GRIA1: variants seen among roughly 807,000 people sequenced by gnomAD.
GRIA1 encodes the protein glutamate ionotropic receptor AMPA type subunit 1.
GRIA1 carries 31 observed loss-of-function variants against 99.2 expected under a neutral mutation model. The observed-to-expected ratio is 0.31, with a 90% CI of 0.23 to 0.42. The LOEUF is 0.42. Ranked by LOEUF, GRIA1 falls within the 10% of genes least tolerant of loss-of-function variation. The pLI is 1.00. For missense variants in GRIA1, 782 were observed against 1,157.5 expected, an observed-to-expected ratio of 0.68 and a Z score of 4.71; for synonymous variants, 438 against 432.4, an observed-to-expected ratio of 1.01 and a Z score of -0.16.
At chr5:153,556,268 A>C (rs1248990800) in intron 2 of GRIA1, among the ~76,000 whole-genome samples, 1 of 141,960 alleles carries the variant, frequency 7.0e-6, no homozygotes, top group Admixed American at 7.0e-5. Context: ...TAGGAATTCA[A>C]CTATTCTCTC....
intron 5 of GRIA1, among the ~76,000 whole-genome samples, chr5:153,658,674 AT>A (rs1246659280): frequency 4.6e-5 from 7 of 152,360 alleles, no homozygotes; most frequent in African/African-American, 1.7e-4. Context: ...CTACTGCTGC[AT>A]AGAACTGACC....
chr5:153,674,770 A>T, intron 6 of GRIA1, 109 bp downstream of exon 6: 1 of 1,092,658 alleles, frequency 9.2e-7, no homozygotes. Flanking sequence ...TAAAGCGAAC[A>T]AATTCAGGGA....
chr5:153,612,206 A>G (rs1766052145), intron 2 of GRIA1, among the ~76,000 whole-genome samples: 1 of 152,210 alleles, frequency 6.6e-6, no homozygotes, highest in Non-Finnish European at 1.5e-5. Flanking sequence ...AGGAGAAAAT[A>G]TTTGAATAGA....
Position 153,535,056 on chromosome 5 carries a change from G to A in GRIA1, c.220+40991G>A, listed in dbSNP as rs532175036. ...CCTGCCACAGCCTCCTGAGTAGCTC[G>A]GATTACAGGCATGCATCACCATGCC... On this transcript the variant is annotated intron_variant, in intron 2 of 15. Coordinates refer to ENST00000285900, the MANE Select transcript of GRIA1 (RefSeq NM_000827.4). 9.2e-5 allele frequency among the ~76,000 whole-genome samples: 14 copies of A among 152,144 alleles called. No homozygotes were observed. In the South Asian group the frequency reaches 1.9e-3, roughly 20 times the overall value.
chr5:153,705,131 C>G (rs571752680), intron 10 of GRIA1, among the ~76,000 whole-genome samples: 1 of 152,238 alleles, frequency 6.6e-6, no homozygotes, highest in African/African-American at 2.4e-5. Context: ...TGAGGGAATC[C>G]AGGGTAAGCC....
intron 12 of GRIA1, among the ~76,000 whole-genome samples, chr5:153,765,089 C>A (rs1413776328): frequency 2.0e-5 from 3 of 151,570 alleles, no homozygotes; most frequent in African/African-American, 7.3e-5. Context: ...AAAAAAAAAA[C>A]TGGAAAAGGT....
intron 11 of GRIA1, among the ~76,000 whole-genome samples, chr5:153,748,848 T>A (rs2149586606): frequency 6.6e-6 from 1 of 152,260 alleles, no homozygotes; most frequent in East Asian, 1.9e-4. Context: ...ATTGAGAATT[T>A]TGAATTGGAT....
chr5:153,625,516 T>C (rs1383538245), intron 2 of GRIA1, among the ~76,000 whole-genome samples: 2 of 152,090 alleles, frequency 1.3e-5, no homozygotes, highest in Non-Finnish European at 2.9e-5. Context: ...ATATCAGAGC[T>C]CTCTCTGATA....
intron 2 of GRIA1, among the ~76,000 whole-genome samples, chr5:153,637,189 T>A (rs1371683265): frequency 6.6e-6 from 1 of 152,176 alleles, no homozygotes; most frequent in Admixed American, 6.5e-5. Flanking sequence ...AGTACTAGCT[T>A]CTCAGAACAA....
intron 2 of GRIA1, among the ~76,000 whole-genome samples, chr5:153,528,806 G>A (rs1000505944): frequency 6.6e-6 from 1 of 151,998 alleles, no homozygotes; most frequent in Non-Finnish European, 1.5e-5. Context: ...CTTCCTCCAC[G>A]TTCCTTCTGT....
rs984104528 is a variant in GRIA1 at position 153,770,312 on chromosome 5, A to G, written c.2167A>G (p.Asn723Asp). The G allele has an allele frequency of 6.2e-7, 1 of 1,613,948 alleles. No homozygotes were observed. The highest frequency in any genetic ancestry group is 1.3e-5 in the African/African-American group (1 of 74,908). ...KYAYLLESTM[N>D]EYIEQRKPCD... The stretch of plus-strand genomic sequence containing the variant: ...TGCCTACCTCCTGGAGTCCACCATG[A>G]ATGAGTACATTGAGCAGCGGAAACC... The change falls in exon 13 of 16, where the codon AAT becomes GAT. Residue 723 changes from asparagine (N) to aspartate (D), a missense_variant. By Grantham distance (23) the Asn-to-Asp change is conservative (BLOSUM62 1). Around this residue, in one of 5 missense-constraint regions of GRIA1, gnomAD observed 119 missense variants for 326.6 expected, o/e 0.36. Transcript: ENST00000285900.
chr5:153,686,131 A>G (rs1456912720), intron 7 of GRIA1, 94 bp from the exon 8 acceptor site: 2 of 884,684 alleles, frequency 2.3e-6, no homozygotes, highest in Non-Finnish European at 1.9e-6. Flanking sequence ...TCCATGGAAC[A>G]CTCTTGGGTT....
chr5:153,686,731 G>C (rs559243652), intron 8 of GRIA1, among the ~76,000 whole-genome samples: 1 of 152,228 alleles, frequency 6.6e-6, no homozygotes, highest in East Asian at 1.9e-4. Context: ...TCGATAGTTG[G>C]TCATATCCAC....
chr5:153,512,981 G>A (rs1756246900), intron 2 of GRIA1, among the ~76,000 whole-genome samples: 1 of 152,196 alleles, frequency 6.6e-6, no homozygotes, highest in Non-Finnish European at 1.5e-5. Flanking sequence ...GTAAGGTCAT[G>A]AGAACACACA....
At position 153,676,974 on chromosome 5, in the gene GRIA1, G is replaced by A; in HGVS notation, c.862-20G>A. 7.3e-7 allele frequency: 1 copy of A among 1,374,618 alleles called. No homozygotes were observed. The allele number at this position is 1,374,618 out of a possible 1,614,324, so 85.2% of individuals were successfully genotyped here. A position where few individuals can be genotyped will look rare whatever the true frequency, so the allele number is the denominator to read the frequency against. On this transcript the variant is annotated intron_variant, in intron 6 of 15. Coordinates refer to ENST00000285900, the MANE Select transcript of GRIA1 (RefSeq NM_000827.4). ...TGTCAGCTCTCTTTGATACCTAACT[G>A]TCTCCATTCCTCCCACTAGTACACC...
intron 2 of GRIA1, among the ~76,000 whole-genome samples, chr5:153,506,485 T>C (rs987867460): frequency 6.6e-6 from 1 of 152,164 alleles, no homozygotes; most frequent in African/African-American, 2.4e-5. Flanking sequence ...AAATGTTAAA[T>C]TGAAGAACTT....
At chr5:153,662,766 C>T (rs1755461883) in intron 5 of GRIA1, among the ~76,000 whole-genome samples, 1 of 152,158 alleles carries the variant, frequency 6.6e-6, no homozygotes, top group South Asian at 2.1e-4. Flanking sequence ...CTTCTTTTCT[C>T]CAAACTGCCT....
chr5:153,623,813 G>T (rs1767303816), intron 2 of GRIA1, among the ~76,000 whole-genome samples: 1 of 152,162 alleles, frequency 6.6e-6, no homozygotes, highest in African/African-American at 2.4e-5. Flanking sequence ...CAATCAGAAG[G>T]ATTAAGAAGA....
chr5:153,812,717 G>C lies in GRIA1; in HGVS notation c.*1492G>C, dbSNP rs1289483469. ...TTGGTGAAGTGGCAGGGTTTATAGA[G>C]AGAAGCCCAGGCTGAGTTCAGCTTT... On this transcript the variant is annotated 3_prime_UTR_variant, in exon 16 of 16. Transcript: ENST00000285900. 6.6e-6 allele frequency: 1 copy of C among 152,094 alleles called. No individual in the cohort carries two copies. The allele number at this position is 152,094 out of a possible 1,614,324, so 9.4% of individuals were successfully genotyped here.
Sources: allele counts gnomAD v4.1 joint callset (sites outside exome capture counted in the v4.1 genomes callset), GRCh38; gene constraint gnomAD v4.1.1; regional missense constraint gnomAD v4.1.1; transcripts MANE v1.5; gene names NCBI Gene and HGNC (gene_info 2026-07-23, HGNC 2026-07-21).